Variants in MMP3 observed in about 807,000 individuals in gnomAD.
MMP3 encodes the protein stromelysin-1.
A neutral mutation model predicts 47.3 loss-of-function variants in MMP3; 46 were observed. That is an observed-to-expected ratio of 0.97 (90% CI 0.77 to 1.24). MMP3 has a LOEUF of 1.24. Among genes scored for constraint, MMP3 ranks in the 50% most tolerant of loss-of-function variants. The pLI is 0.00. For missense variants in MMP3, 558 were observed against 565.5 expected, an observed-to-expected ratio of 0.99 and a Z score of 0.13; for synonymous variants, 216 against 206.5, an observed-to-expected ratio of 1.05 and a Z score of -0.39.
Position 102,837,333 on chromosome 11 carries a change from A to T in MMP3, c.1298T>A (p.Ile433Asn). ...PKQIAEDFPG[I>N]DSKIDAVFEE... ...AAAAACAGCATCAATCTTTGAGTCA[A>T]TCCCTGGAAAGTCTTCAGCTATTTG... is the stretch of plus-strand genomic sequence containing the variant. Residue 433 changes from isoleucine to asparagine, a missense_variant, in exon 9 of 10, where the codon ATT becomes AAT. Coordinates refer to ENST00000299855, the MANE Select transcript of MMP3 (RefSeq NM_002422.5). This position sits in a 1 kb window ranked among gnomAD's most constrained non-coding sequence, Gnocchi z 4.4. The T allele has an allele frequency of 6.2e-7, 1 of 1,614,006 alleles. No homozygotes were observed. The highest frequency in any genetic ancestry group is 8.5e-7 in the Non-Finnish European group (1 of 1,179,976).
chr11:102,839,082 G>A, intron 7 of MMP3, 28 bp downstream of exon 7: 1 of 1,596,546 alleles, frequency 6.3e-7, no homozygotes, highest in South Asian at 1.1e-5. Context: ...ACTTTGGCAA[G>A]TTAAACAAAT....
chr11:102,838,184 C>A (rs1858919281), intron 8 of MMP3, among the ~76,000 whole-genome samples: 1 of 152,118 alleles, frequency 6.6e-6, no homozygotes, highest in Non-Finnish European at 1.5e-5. Context: ...AAATTGCGGT[C>A]TGGGTTCTCA....
intron 1 of MMP3, 81 bp downstream of exon 1, chr11:102,843,361 A>C (rs1389395430): frequency 2.2e-6 from 2 of 926,844 alleles, no homozygotes; most frequent in Non-Finnish European, 3.5e-6. Context: ...CAAGCATTCT[A>C]TGTGGGTTTT....
rs782213429 is a variant in MMP3, at chr11:102,838,612, C to T, written c.1168G>A (p.Ala390Thr). The T allele has an allele frequency of 2.5e-6, 4 of 1,613,622 alleles. No homozygotes were observed. In the South Asian group the frequency reaches 4.4e-5, roughly 18 times the overall value. The change falls in exon 8 of 10, where the codon GCA (alanine) becomes ACA (threonine). Residue 390 changes from alanine (A) to threonine (T), a missense_variant. Transcript: ENST00000299855. ...GFPPTVRKIDAAISDKEKNKT... is the reference protein window; with the variant it reads ...GFPPTVRKIDTAISDKEKNKT... ...TTCTTTTCCTTATCAGAAATGGCTGCATCGATTTTCCTCACGGTTGGAGGG... is the reference window on the plus strand; with the variant it reads ...TTCTTTTCCTTATCAGAAATGGCTGTATCGATTTTCCTCACGGTTGGAGGG...
rs139187731 is a variant in MMP3 at position 102,840,234 on chromosome 11, G to A, written c.809C>T (p.Pro270Leu). The A allele has an allele frequency of 1.1e-5, 17 of 1,613,630 alleles. No individual in the cohort carries two copies. In the African/African-American group the frequency reaches 1.5e-4, roughly 14 times the overall value. ...TTCCGTGGGTACCAGGGGGGTCTCAGGGGAGTCAGGGGGAGGTCCTAAAGG... is the reference window on the plus strand; with the variant it reads ...TTCCGTGGGTACCAGGGGGGTCTCAAGGGAGTCAGGGGGAGGTCCTAAAGG... ...QSLYGPPPDS[P>L]ETPLVPTEPV... Residue 270 changes from proline to leucine, a missense_variant, in exon 6 of 10, where the codon CCT (proline) becomes CTT (leucine). By Grantham distance (98) the Pro-to-Leu change is moderately conservative. Coordinates refer to ENST00000299855, the MANE Select transcript of MMP3 (RefSeq NM_002422.5).
intron 7 of MMP3, 141 bp from the exon 8 acceptor site, chr11:102,838,851 C>A (rs982347246): frequency 5.3e-5 from 58 of 1,086,960 alleles, no homozygotes; most frequent in South Asian, 3.4e-4. Flanking sequence ...TTACAGTGGG[C>A]TTTTCACAAA....
At position 102,840,228 on chromosome 11, in the gene MMP3, G is replaced by A. The variant is rs200250895; in HGVS notation, c.815C>T (p.Thr272Ile). 6.2e-7 allele frequency: 1 copy of A among 1,613,982 alleles called. No individual in the cohort carries two copies. The stretch of plus-strand genomic sequence containing the variant: ...GACAGGTTCCGTGGGTACCAGGGGG[G>A]TCTCAGGGGAGTCAGGGGGAGGTCC... ...LYGPPPDSPETPLVPTEPVPP... is the reference protein window; with the variant it reads ...LYGPPPDSPEIPLVPTEPVPP... Residue 272 changes from threonine to isoleucine, a missense_variant, in exon 6 of 10, where the codon ACC (threonine) becomes ATC (isoleucine). Physicochemically the swap from Thr to Ile is moderately conservative, Grantham distance 89. Transcript: ENST00000299855.
At position 102,836,095 on chromosome 11, in the gene MMP3, G is replaced by A; in HGVS notation, c.*31C>T. Reference sequence around the variant, plus strand: ...TGAAGAATTATTAGCTTCATTTAAAGTGCCCATATTGTGCCTTCTACATAT... The same window carrying A: ...TGAAGAATTATTAGCTTCATTTAAAATGCCCATATTGTGCCTTCTACATAT... On this transcript the variant is annotated 3_prime_UTR_variant, in exon 10 of 10. Coordinates refer to ENST00000299855, the MANE Select transcript of MMP3 (RefSeq NM_002422.5). This position sits in a 1 kb window ranked among gnomAD's most constrained non-coding sequence, Gnocchi z 4.6. 2.1e-6 allele frequency: 3 copies of A among 1,452,872 alleles called. No homozygotes were observed. Among genetic ancestry groups the A allele is most frequent in the Non-Finnish European group, 2.9e-6 (3 of 1,037,816 alleles). 90.0% of individuals were successfully genotyped at this position (1,452,872 alleles called of 1,614,324 possible).
In MMP3 at chr11:102,836,289, CA is replaced by C; in HGVS notation, c.1334-64del. On this transcript the variant is annotated intron_variant, in intron 9 of 9. Coordinates refer to ENST00000299855, the MANE Select transcript of MMP3 (RefSeq NM_002422.5). This position sits in a 1 kb window ranked among gnomAD's most constrained non-coding sequence, Gnocchi z 4.6. ...CCAAATAAAGACATTTGACAATATA[CA>C]AAACTCAGAATCATAGAGAACTAAA... The C allele has an allele frequency of 7.8e-7, 1 of 1,276,182 alleles. No individual in the cohort carries two copies. Among genetic ancestry groups the C allele is most frequent in the South Asian group, 1.2e-5 (1 of 81,436 alleles). The allele number at this position is 1,276,182 out of a possible 1,614,324, so 79.1% of individuals were successfully genotyped here.
chr11:102,842,357 T>C (rs1859015010), intron 3 of MMP3, 74 bp downstream of exon 3: 3 of 1,559,612 alleles, frequency 1.9e-6, no homozygotes, highest in Admixed American at 2.1e-5. Flanking sequence ...CAACACCAGA[T>C]AGATGAATGG....
Position 102,842,425 on chromosome 11 carries a change from T to TTTTTTTC in MMP3, c.499+5_499+6insGAAAAAA. 2 of 1,534,760 alleles carry TTTTTTTC rather than the reference T, an allele frequency of 1.3e-6. No homozygotes were observed. The highest frequency in any genetic ancestry group is 1.3e-5 in the South Asian group (1 of 79,002). ...TTTGCTTTTTTTTTTTTTTTTTTTTTTTTACCTCTAACTGCAAAAGAGATC... is the reference window on the plus strand; with the variant it reads ...TTTGCTTTTTTTTTTTTTTTTTTTTTTTTTTTCTTTACCTCTAACTGCAAAAGAGATC... On this transcript the variant is annotated splice_donor_region_variant and intron_variant, in intron 3 of 9. Transcript: ENST00000299855.
At position 102,838,696 on chromosome 11, in the gene MMP3, C is replaced by T; in HGVS notation, c.1084G>A (p.Ala362Thr). 3 of 1,612,100 alleles carry T rather than the reference C, an allele frequency of 1.9e-6. No homozygotes were observed. The highest frequency in any genetic ancestry group is 2.5e-6 in the Non-Finnish European group (3 of 1,179,382). The part of the protein sequence containing the change: ...VFIFKGNQFW[A>T]IRGNEVRAGY... Reference sequence around the variant, plus strand: ...GCTCGTACCTCATTTCCTCTGATAGCCCAGAATTGATTTCCTGTTAAATAT... The same window carrying T: ...GCTCGTACCTCATTTCCTCTGATAGTCCAGAATTGATTTCCTGTTAAATAT... Residue 362 changes from alanine (A) to threonine (T), a missense_variant, in exon 8 of 10, where the codon GCT becomes ACT. By Grantham distance (58) the Ala-to-Thr change is moderately conservative. Coordinates refer to ENST00000299855, the MANE Select transcript of MMP3 (RefSeq NM_002422.5).
In MMP3 at chr11:102,836,099, C is replaced by T. The variant is rs369848997; in HGVS notation, c.*27G>A. Reference sequence around the variant, plus strand: ...GAATTATTAGCTTCATTTAAAGTGCCCATATTGTGCCTTCTACATATCTCT... The same window carrying T: ...GAATTATTAGCTTCATTTAAAGTGCTCATATTGTGCCTTCTACATATCTCT... On this transcript the variant is annotated 3_prime_UTR_variant, in exon 10 of 10. Transcript: ENST00000299855. The surrounding 1 kb of genome is among the most constrained non-coding windows in gnomAD (Gnocchi z 4.6). 4.7e-6 allele frequency: 7 copies of T among 1,486,078 alleles called. No individual in the cohort carries two copies. The African/African-American group carries it at 8.3e-5, about 18-fold the overall frequency. The allele number at this position is 1,486,078 out of a possible 1,614,324, so 92.1% of individuals were successfully genotyped here.
intron 4 of MMP3, 23 bp from the exon 5 acceptor site, chr11:102,840,616 T>C (rs1301835275): frequency 3.7e-6 from 6 of 1,610,364 alleles, no homozygotes; most frequent in Non-Finnish European, 5.1e-6. Flanking sequence ...TTGAGAACAA[T>C]AGTTACTTAT....
chr11:102,840,105 G>T lies in MMP3; in HGVS notation c.935+3C>A, dbSNP rs1858965349. 6.2e-7 allele frequency: 1 copy of T among 1,609,318 alleles called. No individual in the cohort carries two copies. The stretch of plus-strand genomic sequence containing the variant: ...GTAGGAAAATATAATTTTTCAGCCT[G>T]ACCTGTCTTTAAAGATCAGGATTTC... On this transcript the variant is annotated splice_donor_region_variant and intron_variant, in intron 6 of 9. Coordinates refer to ENST00000299855, the MANE Select transcript of MMP3 (RefSeq NM_002422.5).
rs1858889105 is a variant in MMP3, at chr11:102,836,703, C to T, written c.1334-477G>A. ...AACTATTTCAAAACACCAGGGGACC[C>T]TTTAGTGCTCTGCAAACATGGTGAT... On this transcript the variant is annotated intron_variant, in intron 9 of 9. Transcript: ENST00000299855. The surrounding 1 kb of genome is among the most constrained non-coding windows in gnomAD (Gnocchi z 4.6). 2 of 367,932 alleles carry T rather than the reference C, an allele frequency of 5.4e-6. No individual in the cohort carries two copies. Among genetic ancestry groups the T allele is most frequent in the South Asian group, 2.2e-5 (1 of 45,284 alleles). 22.8% of individuals were successfully genotyped at this position (367,932 alleles called of 1,614,324 possible).
rs782782597 is a variant in MMP3, at chr11:102,842,575, C to A, written c.355G>T (p.Val119Leu). ...TTTGGCAAATCTGGTGTATAATTCA[C>A]AATCCTGTAGGAGAAAAATTGAAGC... ...WRKTHLTYRI[V>L]NYTPDLPKDA... Residue 119 changes from valine (V) to leucine (L), a missense_variant, in exon 3 of 10, where the codon GTG becomes TTG. Coordinates refer to ENST00000299855, the MANE Select transcript of MMP3 (RefSeq NM_002422.5). 7.4e-6 allele frequency: 12 copies of A among 1,613,588 alleles called. No individual in the cohort carries two copies. The highest frequency in any genetic ancestry group is 1.0e-5 in the Non-Finnish European group (12 of 1,179,886).
chr11:102,842,812 G>A lies in MMP3; in HGVS notation c.210C>T (p.Phe70=), dbSNP rs61753775. 8.1e-6 allele frequency: 13 copies of A among 1,613,686 alleles called. No homozygotes were observed. The highest frequency in any genetic ancestry group is 4.0e-5 in the African/African-American group (3 of 74,870). The change falls in exon 2 of 10, where the codon TTC becomes TTT. Residue 70 remains phenylalanine (F), a synonymous_variant. Transcript: ENST00000299855. ...GCTTCCCCGTCACCTCCAATCCAAG[G>A]AACTTCTGCATTTCTCGGATTTTTT... ...VVKKIREMQK[F]LGLEVTGKLD...
rs1555004929 is a variant in MMP3, at chr11:102,838,556, G to A, written c.1224C>T (p.Tyr408=). ...TCATTTCTCTTGCATCTCACCTCCA[G>A]TATTTGTCCTCTACAAAGAAATATG... The part of the protein sequence containing the change: ...NKTYFFVEDK[Y]WRFDEKRNSM... Residue 408 remains tyrosine, a synonymous_variant, in exon 8 of 10, where the codon TAC becomes TAT. Coordinates refer to ENST00000299855, the MANE Select transcript of MMP3 (RefSeq NM_002422.5). The A allele has an allele frequency of 1.2e-6, 2 of 1,612,580 alleles. No individual in the cohort carries two copies. The highest frequency in any genetic ancestry group is 8.5e-7 in the Non-Finnish European group (1 of 1,179,612).
Sources: gnomAD v4.1 joint callset for allele counts (sites outside exome capture counted in the v4.1 genomes callset) on GRCh38, gnomAD v4.1.1 for gene constraint, Gnocchi (gnomAD v3.1) non-coding constraint, MANE v1.5 for transcripts, NCBI Gene and HGNC (gene_info 2026-07-23, HGNC 2026-07-21) for gene names.